The following XKR4 variants were observed in gnomAD, a reference collection of about 807,000 sequenced individuals.
XKR4 encodes the protein XK related 4, also known as XK-related protein 4.
Under a neutral mutation model 53.9 loss-of-function variants are expected in XKR4, and 12 were observed. That is an observed-to-expected ratio of 0.22 (90% CI 0.14 to 0.36). The LOEUF (loss-of-function observed/expected upper bound fraction) is 0.36, where lower values mean the gene tolerates loss of function less well. XKR4 is among the 10% of genes least tolerant of loss of function. The pLI, the probability that XKR4 is intolerant of heterozygous loss-of-function variation, is 1.00. For missense variants in XKR4, 799 were observed against 859.5 expected, an observed-to-expected ratio of 0.93 and a Z score of 0.88; for synonymous variants, 354 against 362.4, an observed-to-expected ratio of 0.98 and a Z score of 0.26.
chr8:55,450,330 C>A, intron 2 of XKR4: 1 of 725,610 alleles, frequency 1.4e-6, no homozygotes, highest in South Asian at 1.7e-5. Context: ...CGCAGAAGTC[C>A]TACACTTTCA....
At chr8:55,504,786 G>T (rs1356985318) in intron 2 of XKR4, among the ~76,000 whole-genome samples, 1 of 152,160 alleles carries the variant, frequency 6.6e-6, no homozygotes, top group East Asian at 1.9e-4. Context: ...AGTCTTGGTA[G>T]ATTTTGTATT....
chr8:55,222,569 A>C (rs1817895626), intron 1 of XKR4, among the ~76,000 whole-genome samples: 1 of 152,218 alleles, frequency 6.6e-6, no homozygotes, highest in Admixed American at 6.5e-5. Flanking sequence ...TCATAACATT[A>C]ACAGCAATCC....
chr8:55,501,347 A>G (rs1355954363), intron 2 of XKR4, among the ~76,000 whole-genome samples: 1 of 152,210 alleles, frequency 6.6e-6, no homozygotes, highest in African/African-American at 2.4e-5. Flanking sequence ...GTACGGTTCA[A>G]TGGCATTGAG....
chr8:55,434,314 C>A (rs1805143912), intron 2 of XKR4, among the ~76,000 whole-genome samples: 1 of 151,732 alleles, frequency 6.6e-6, no homozygotes, highest in Non-Finnish European at 1.5e-5. Flanking sequence ...ATTAGTCTTA[C>A]CAAAAAGAAT....
intron 2 of XKR4, among the ~76,000 whole-genome samples, chr8:55,516,183 CTTAAT>C (rs1295129685): frequency 2.0e-5 from 3 of 152,188 alleles, no homozygotes; most frequent in African/African-American, 4.8e-5. Context: ...CTTGTTCCTT[CTTAAT>C]TTGTCTATGA....
At chr8:55,123,573 T>A (rs1042036596) in intron 1 of XKR4, among the ~76,000 whole-genome samples, 1 of 152,184 alleles carries the variant, frequency 6.6e-6, no homozygotes, top group Non-Finnish European at 1.5e-5. Context: ...TTCGAGAACA[T>A]CTCAGGAGCA....
At chr8:55,281,792 C>T (rs950288723) in intron 1 of XKR4, among the ~76,000 whole-genome samples, 7 of 152,132 alleles carry the variant, frequency 4.6e-5, no homozygotes, top group Non-Finnish European at 7.3e-5. Context: ...ATTTTTTCCC[C>T]CATATACCAG....
intron 1 of XKR4, among the ~76,000 whole-genome samples, chr8:55,267,780 G>A (rs1415954487): frequency 6.6e-6 from 1 of 152,032 alleles, no homozygotes; most frequent in Non-Finnish European, 1.5e-5. Flanking sequence ...ATTACTCTCT[G>A]AACTTAAGGA....
At chr8:55,423,329 G>A (rs981654358) in intron 2 of XKR4, among the ~76,000 whole-genome samples, 6 of 152,126 alleles carry the variant, frequency 3.9e-5, no homozygotes, top group South Asian at 2.1e-4. Context: ...TCCTGACCTC[G>A]GGTGATCCAC....
At chr8:55,257,278 G>A (rs1211952299) in intron 1 of XKR4, among the ~76,000 whole-genome samples, 2 of 152,036 alleles carry the variant, frequency 1.3e-5, no homozygotes, top group Non-Finnish European at 2.9e-5. Context: ...CTGAAATAAA[G>A]GACAGGGCAT....
intron 1 of XKR4, among the ~76,000 whole-genome samples, chr8:55,109,173 A>G (rs189603792): frequency 1.7e-3 from 262 of 152,298 alleles, no homozygotes; most frequent in African/African-American, 5.8e-3. Context: ...CCTTAGAAGC[A>G]GTGAGTTTCC....
chr8:55,135,720 A>G (rs763192011), intron 1 of XKR4: 31 of 446,456 alleles, frequency 6.9e-5, no homozygotes, highest in Middle Eastern at 7.0e-4. Context: ...CACCTTGTAC[A>G]CCTCCTCTGG....
chr8:55,465,614 A>G (rs1169272350), intron 2 of XKR4, among the ~76,000 whole-genome samples: 1 of 151,704 alleles, frequency 6.6e-6, no homozygotes, highest in Non-Finnish European at 1.5e-5. Context: ...AGCAATGGCA[A>G]CAAAAGCCAA....
chr8:55,479,662 T>C (rs534756167), intron 2 of XKR4, among the ~76,000 whole-genome samples: 20 of 151,410 alleles, frequency 1.3e-4, no homozygotes, highest in Non-Finnish European at 2.7e-4. Context: ...GCAAGACTAA[T>C]AAAGAAGAAA....
intron 1 of XKR4, among the ~76,000 whole-genome samples, chr8:55,162,253 A>G (rs1357421969): frequency 6.6e-6 from 1 of 152,208 alleles, no homozygotes; most frequent in East Asian, 1.9e-4. Context: ...TAAGGGCTTC[A>G]AGAATACAAC....
rs147672948 is a variant in XKR4 at position 55,314,287 on chromosome 8, T to C, written c.807-43391T>C. 1.6e-3 allele frequency among the ~76,000 whole-genome samples: 240 copies of C among 152,322 alleles called. 4 individuals are homozygous for C. The East Asian group carries it at 0.04, about 25-fold the overall frequency. On this transcript the variant is annotated intron_variant, in intron 1 of 2. Transcript: ENST00000327381. ...AATTTAGGTCAGGGATGTTGTTCCCTGTACCAGTGGTAATTCAATTACATC... is the reference window on the plus strand; with the variant it reads ...AATTTAGGTCAGGGATGTTGTTCCCCGTACCAGTGGTAATTCAATTACATC...
At chr8:55,302,428 A>G (rs372107099) in intron 1 of XKR4, among the ~76,000 whole-genome samples, 10 of 152,058 alleles carry the variant, frequency 6.6e-5, no homozygotes, top group African/African-American at 1.9e-4. Context: ...GTCAGGTAGC[A>G]TGATGCCTCC....
At chr8:55,192,391 T>C (rs1338599871) in intron 1 of XKR4, among the ~76,000 whole-genome samples, 1 of 151,930 alleles carries the variant, frequency 6.6e-6, no homozygotes, top group Admixed American at 6.6e-5. Context: ...TGGGGCTATT[T>C]TGAATGATTG....
intron 2 of XKR4, among the ~76,000 whole-genome samples, chr8:55,397,583 A>G (rs1804539749): frequency 1.2e-5 from 1 of 81,858 alleles, no homozygotes; most frequent in Non-Finnish European, 2.4e-5. Flanking sequence ...ACGAAGTTCA[A>G]TGTTTTTTTT....
Sources: allele counts gnomAD v4.1 joint callset (sites outside exome capture counted in the v4.1 genomes callset), GRCh38; gene constraint gnomAD v4.1.1; transcripts MANE v1.5; gene names NCBI Gene and HGNC (gene_info 2026-07-23, HGNC 2026-07-21).